PYGB: variants seen among roughly 807,000 people sequenced by gnomAD.
PYGB encodes glycogen phosphorylase B, also known as glycogen phosphorylase, brain form.
Under a neutral mutation model 94.3 loss-of-function variants are expected in PYGB, and 82 were observed. The observed-to-expected ratio is 0.87, with a 90% confidence interval of 0.73 to 1.04. The LOEUF is 1.04. Ranked by LOEUF, PYGB falls within the 50% of genes least tolerant of loss-of-function variation. The probability of loss-of-function intolerance (pLI) is 0.00; values close to 1 mark genes in which losing one functional copy is unlikely to be tolerated. For missense variants in PYGB, 1,132 were observed against 1,158.2 expected (o/e 0.98, Z 0.33); for synonymous variants, 488 against 479.1 (o/e 1.02, Z -0.24).
At chr20:25,270,879 G>A (rs957462058) in intron 3 of PYGB, among the ~76,000 whole-genome samples, 5 of 152,186 alleles carry the variant, frequency 3.3e-5, no homozygotes, top group Non-Finnish European at 7.3e-5. Context: ...TTAATGACAC[G>A]TGCTATAGCG....
At chr20:25,269,043 C>A in intron 2 of PYGB, 86 bp from the exon 3 acceptor site, 2 of 1,178,014 alleles carry the variant, frequency 1.7e-6, no homozygotes, top group Non-Finnish European at 2.5e-6. Context: ...TTAGCATAAG[C>A]TCACAAGACT....
rs2088563189 is a variant in PYGB at position 25,297,324 on chromosome 20, G to A, written c.*802G>A. On this transcript the variant is annotated 3_prime_UTR_variant, in exon 20 of 20. Transcript: ENST00000216962. The stretch of plus-strand genomic sequence containing the variant: ...ACACATGGAAATGAAACTAGCTGAA[G>A]CCTTTTCTTGTTTTAGCAACTGAAA... 1 of 152,290 alleles carries A rather than the reference G, an allele frequency of 6.6e-6. No individual in the cohort carries two copies. The highest frequency in any genetic ancestry group is 1.5e-5 in the Non-Finnish European group (1 of 68,054). The allele number at this position is 152,290 out of a possible 1,614,324, so 9.4% of individuals were successfully genotyped here.
rs1463884326 is a variant in PYGB, at chr20:25,288,483, G to A, written c.1827G>A (p.Lys609=). 1 of 1,614,092 alleles carries A rather than the reference G, an allele frequency of 6.2e-7. No individual in the cohort carries two copies. Among genetic ancestry groups the A allele is most frequent in the Non-Finnish European group, 8.5e-7 (1 of 1,179,970 alleles). ...CCAGGACTGTTATGATTGGGGGCAAGGTGAGTGACTTCCTCTGCAGTCCTC... is the reference window on the plus strand; with the variant it reads ...CCAGGACTGTTATGATTGGGGGCAAAGTGAGTGACTTCCTCTGCAGTCCTC... ...FVPRTVMIGG[K]AAPGYHMAKL... The change falls in exon 15 of 20, where the codon AAG becomes AAA. Residue 609 remains lysine, a splice_region_variant and synonymous_variant. Transcript: ENST00000216962.
At chr20:25,279,956 C>T (rs1039686349) in intron 9 of PYGB, among the ~76,000 whole-genome samples, 2 of 152,214 alleles carry the variant, frequency 1.3e-5, no homozygotes, top group East Asian at 1.9e-4. Context: ...ATGGTCTGTC[C>T]GTTTACCAGT....
At chr20:25,296,058 A>G (rs540662186) in intron 19 of PYGB, among the ~76,000 whole-genome samples, 1 of 152,292 alleles carries the variant, frequency 6.6e-6, no homozygotes, top group East Asian at 1.9e-4. Flanking sequence ...GTCCCCTGGC[A>G]CTGGATCTGC....
At chr20:25,275,259 C>T (rs911713081) in intron 5 of PYGB, among the ~76,000 whole-genome samples, 6 of 152,250 alleles carry the variant, frequency 3.9e-5, no homozygotes, top group Non-Finnish European at 7.3e-5. Context: ...CCCTCCTGCC[C>T]AGCAGGGTGC....
Position 25,296,456 on chromosome 20 carries a change from A to ACG in PYGB, c.2467_2468dup (p.Glu824GlyfsTer77). 1 of 1,613,948 alleles carries ACG rather than the reference A, an allele frequency of 6.2e-7. No homozygotes were observed. Among genetic ancestry groups the ACG allele is most frequent in the Non-Finnish European group, 8.5e-7 (1 of 1,180,014 alleles). ...GTGACCGGACCATCACGGAGTATGC[A>ACG]CGGGAGATCTGGGGTGTGGAGCCCT... On this transcript the variant is annotated frameshift_variant, in exon 20 of 20. Coordinates refer to ENST00000216962, the MANE Select transcript of PYGB (RefSeq NM_002862.4). LOFTEE classifies it high-confidence loss of function.
chr20:25,268,802 G>C (rs1372939893), intron 2 of PYGB, among the ~76,000 whole-genome samples: 1 of 152,178 alleles, frequency 6.6e-6, no homozygotes, highest in Admixed American at 6.5e-5. Flanking sequence ...AGTGCTTTTA[G>C]GTTTTAGTTT....
chr20:25,294,924 T>C, intron 18 of PYGB: 2 of 1,474,168 alleles, frequency 1.4e-6, no homozygotes, highest in Non-Finnish European at 1.8e-6. Context: ...TGGGTTAGTT[T>C]TAGTTTTGTC....
chr20:25,283,850 T>A (rs1253971199), intron 13 of PYGB, among the ~76,000 whole-genome samples: 1 of 152,134 alleles, frequency 6.6e-6, no homozygotes, highest in East Asian at 1.9e-4. Flanking sequence ...TGTCTTCTGC[T>A]TGGCTCCAGG....
At chr20:25,255,365 C>G (rs1044293084) in intron 1 of PYGB, among the ~76,000 whole-genome samples, 7 of 152,342 alleles carry the variant, frequency 4.6e-5, no homozygotes, top group African/African-American at 1.7e-4. Flanking sequence ...CAGGAGCCAG[C>G]AGGTCCAGCC....
rs1187787001 is a variant in PYGB at position 25,281,072 on chromosome 20, G to A, written c.1363G>A (p.Gly455Ser). ...TGTGATTGGGTCCCATGCTGTCAAT[G>A]GTGTGGCGAGGATCCACTCGGAGAT... is the stretch of plus-strand genomic sequence containing the variant. Reference protein sequence around the residue: ...LCVIGSHAVNGVARIHSEIVK... With the variant: ...LCVIGSHAVNSVARIHSEIVK... Residue 455 changes from glycine (G) to serine (S), a missense_variant, in exon 11 of 20, where the codon GGT (glycine) becomes AGT (serine). Transcript: ENST00000216962. 6.2e-7 allele frequency: 1 copy of A among 1,614,208 alleles called. No individual in the cohort carries two copies. Among genetic ancestry groups the A allele is most frequent in the Non-Finnish European group, 8.5e-7 (1 of 1,180,028 alleles).
chr20:25,250,282 T>C (rs1004007157), intron 1 of PYGB, among the ~76,000 whole-genome samples: 2 of 152,178 alleles, frequency 1.3e-5, no homozygotes, highest in Non-Finnish European at 2.9e-5. Context: ...TATTTATGTA[T>C]AATCACATCC....
At chr20:25,279,230 G>T (rs1248436680) in intron 9 of PYGB, 81 bp downstream of exon 9, 2 of 1,430,902 alleles carry the variant, frequency 1.4e-6, no homozygotes, top group Non-Finnish European at 1.9e-6. Context: ...TGAGCTGGGG[G>T]GCCTCTTCCC....
In PYGB at chr20:25,292,593, C is replaced by A; in HGVS notation, c.2157C>A (p.Val719=). Residue 719 remains valine, a synonymous_variant, in exon 17 of 20, where the codon GTC becomes GTA. Coordinates refer to ENST00000216962, the MANE Select transcript of PYGB (RefSeq NM_002862.4). ...LFIFGLRVED[V]EALDRKGYNA... ...TCTTCGGCCTGCGGGTGGAGGATGT[C>A]GAGGCCTTGGACCGGAAAGGGTGCG... 6.2e-7 allele frequency: 1 copy of A among 1,612,148 alleles called. No individual in the cohort carries two copies. The highest frequency in any genetic ancestry group is 8.5e-7 in the Non-Finnish European group (1 of 1,179,930).
intron 12 of PYGB, 26 bp downstream of exon 12, chr20:25,282,173 T>C (rs1400068109): frequency 3.8e-6 from 6 of 1,563,806 alleles, no homozygotes; most frequent in South Asian, 3.4e-5. Flanking sequence ...CACCCGTGCC[T>C]GTGGAGATGC....
intron 6 of PYGB, 71 bp from the exon 7 acceptor site, chr20:25,277,173 A>T (rs2088320454): frequency 8.1e-7 from 1 of 1,238,616 alleles, no homozygotes; most frequent in Non-Finnish European, 1.2e-6. Flanking sequence ...CTTTGCAAGT[A>T]GGCCCCTGAG....
chr20:25,250,469 A>G (rs1159700471), intron 1 of PYGB, among the ~76,000 whole-genome samples: 1 of 152,224 alleles, frequency 6.6e-6, no homozygotes, highest in Non-Finnish European at 1.5e-5. Context: ...GTAAAGTTGT[A>G]AACTTTTAGA....
chr20:25,248,163 C>G lies in PYGB; in HGVS notation c.-16C>G. On this transcript the variant is annotated 5_prime_UTR_variant, in exon 1 of 20. Coordinates refer to ENST00000216962, the MANE Select transcript of PYGB (RefSeq NM_002862.4). The stretch of plus-strand genomic sequence containing the variant: ...CTTTCCTCCTCCATCTCTTTTCCTC[C>G]GCCTCCGCCGGCGCGATGGCGAAGC... The G allele has an allele frequency of 6.3e-7, 1 of 1,581,770 alleles. No individual in the cohort carries two copies. Among genetic ancestry groups the G allele is most frequent in the Non-Finnish European group, 8.6e-7 (1 of 1,164,634 alleles).
Sources: gnomAD v4.1 joint callset for allele counts (sites outside exome capture counted in the v4.1 genomes callset) on GRCh38, gnomAD v4.1.1 for gene constraint, MANE v1.5 for transcripts, NCBI Gene and HGNC (gene_info 2026-07-23, HGNC 2026-07-21) for gene names.